The following HSPA4 variants were observed in gnomAD, a reference collection of about 807,000 sequenced individuals.
HSPA4 encodes heat shock protein family A (Hsp70) member 4, also known as heat shock 70 kDa protein 4.
In HSPA4, 25 loss-of-function variants were observed where a neutral mutation model predicts 106.2. That is an observed-to-expected ratio of 0.24 (90% confidence interval 0.17 to 0.33). The LOEUF is 0.33. HSPA4 is among the 10% of genes least tolerant of loss of function. HSPA4 has a pLI of 1.00. For missense variants in HSPA4, 841 were observed against 996.0 expected (o/e 0.84, Z 2.10); for synonymous variants, 332 against 333.6 (o/e 1.00, Z 0.05).
rs888405817 is a variant in HSPA4 at position 133,052,107 on chromosome 5, G to A, written c.-144G>A. On this transcript the variant is annotated 5_prime_UTR_variant, in exon 1 of 19. Coordinates refer to ENST00000304858, the MANE Select transcript of HSPA4 (RefSeq NM_002154.4). Reference sequence around the variant, plus strand: ...CTCTCGGTTGCAGTACCCACTGGAAGGACTTAGGCGCTCGCGTGGACACCG... The same window carrying A: ...CTCTCGGTTGCAGTACCCACTGGAAAGACTTAGGCGCTCGCGTGGACACCG... The A allele has an allele frequency of 1.7e-6, 1 of 605,764 alleles. No homozygotes were observed. The highest frequency in any genetic ancestry group is 1.9e-5 in the South Asian group (1 of 52,746). 37.5% of individuals were successfully genotyped at this position (605,764 alleles called of 1,614,324 possible).
At chr5:133,095,595 A>G (rs1346635985) in intron 13 of HSPA4, among the ~76,000 whole-genome samples, 2 of 152,220 alleles carry the variant, frequency 1.3e-5, no homozygotes, top group Non-Finnish European at 2.9e-5. Flanking sequence ...CTACTGATCC[A>G]TAGATATTTC....
chr5:133,101,669 A>G (rs1224445630), intron 16 of HSPA4, 90 bp from the exon 17 acceptor site: 4 of 1,196,662 alleles, frequency 3.3e-6, no homozygotes, highest in Non-Finnish European at 4.8e-6. Flanking sequence ...TAGCACACGG[A>G]GATTAAATGT....
intron 17 of HSPA4, among the ~76,000 whole-genome samples, chr5:133,102,913 C>CTTTTTTTTTTTTTTTTTTTTTTTTTTTT (rs533273263): frequency 3.9e-5 from 4 of 103,302 alleles, no homozygotes; most frequent in Non-Finnish European, 7.4e-5. Flanking sequence ...CTAGGGTTGT[C>CTTTTTTTTTTTTTTTTTTTTTTTTTTTT]TTTTTTTTTT....
rs904474572 is a variant in HSPA4, at chr5:133,084,573, C to A, written c.909-2209C>A. ...GCAACCTCTGCCTTCCAGGTTCAAG[C>A]GATTCTCCTGCCTCAGCCTCCCAAA... On this transcript the variant is annotated intron_variant, in intron 7 of 18. Transcript: ENST00000304858. Among the ~76,000 whole-genome samples the A allele has an allele frequency of 1.3e-4, 19 of 151,994 alleles. 1 individual carries two copies.
chr5:133,096,333 T>G lies in HSPA4; in HGVS notation c.1803+83T>G. On this transcript the variant is annotated intron_variant, in intron 14 of 18. Coordinates refer to ENST00000304858, the MANE Select transcript of HSPA4 (RefSeq NM_002154.4). ...TCAGACTCTGTGTCTAGTGACTTTT[T>G]GCATTTTTGATTGTTTGGACTTAGA... 3 of 1,327,574 alleles carry G rather than the reference T, an allele frequency of 2.3e-6. No homozygotes were observed. In the Admixed American group the frequency reaches 6.3e-5, roughly 28 times the overall value. 82.2% of individuals were successfully genotyped at this position (1,327,574 alleles called of 1,614,324 possible). A position where few individuals can be genotyped will look rare whatever the true frequency, so the allele number is the denominator to read the frequency against.
At chr5:133,097,316 G>A (rs1443229447) in intron 15 of HSPA4, 30 bp downstream of exon 15, 2 of 1,598,638 alleles carry the variant, frequency 1.3e-6, no homozygotes, top group Admixed American at 1.7e-5. Context: ...CCTAACTACT[G>A]TGTGTCTTCT....
chr5:133,067,365 T>TAA (rs11448270), intron 2 of HSPA4, 52 bp from the exon 3 acceptor site: 30,284 of 1,344,416 alleles, frequency 0.023, 222 homozygotes, highest in Middle Eastern at 0.064. Context: ...GCTGTTGAAA[T>TAA]AAAAAAAAAA....
chr5:133,062,430 GA>G, intron 1 of HSPA4, among the ~76,000 whole-genome samples: 1 of 152,166 alleles, frequency 6.6e-6, no homozygotes, highest in Non-Finnish European at 1.5e-5. Flanking sequence ...TATTTAGAAA[GA>G]TGGAGGTGTG....
At chr5:133,055,307 ATTTTTTTTT>A (rs397999293) in intron 1 of HSPA4, among the ~76,000 whole-genome samples, 46 of 60,108 alleles carry the variant, frequency 7.7e-4, no homozygotes, top group African/African-American at 2.5e-3. Context: ...AGGAAGGTTG[ATTTTTTTTT>A]TTTTTTTTTT....
chr5:133,101,893 T>G lies in HSPA4; in HGVS notation c.2157+15T>G, dbSNP rs370763515. 9.9e-5 allele frequency: 149 copies of G among 1,503,500 alleles called. 1 individual carries two copies. Among genetic ancestry groups the G allele is most frequent in the Admixed American group, 3.1e-4 (14 of 45,832 alleles). 93.1% of individuals were successfully genotyped at this position (1,503,500 alleles called of 1,614,324 possible). On this transcript the variant is annotated intron_variant, in intron 17 of 18. Coordinates refer to ENST00000304858, the MANE Select transcript of HSPA4 (RefSeq NM_002154.4). Reference sequence around the variant, plus strand: ...TCAAAAACAAGGTAACTTTTTTCTTTGTCCTACTCTTATTTTAGTAAAGTT... The same window carrying G: ...TCAAAAACAAGGTAACTTTTTTCTTGGTCCTACTCTTATTTTAGTAAAGTT...
chr5:133,099,184 C>T (rs1765753386), intron 15 of HSPA4, among the ~76,000 whole-genome samples: 1 of 152,158 alleles, frequency 6.6e-6, no homozygotes, highest in African/African-American at 2.4e-5. Flanking sequence ...GGCTGGAGTG[C>T]AGTGGCCCCA....
chr5:133,058,209 T>C (rs1221797397), intron 1 of HSPA4, among the ~76,000 whole-genome samples: 1 of 151,760 alleles, frequency 6.6e-6, no homozygotes, highest in Non-Finnish European at 1.5e-5. Context: ...CTGGGCAATA[T>C]AGCGAGACTC....
intron 13 of HSPA4, among the ~76,000 whole-genome samples, chr5:133,094,173 G>A (rs1164098574): frequency 6.6e-6 from 1 of 152,190 alleles, no homozygotes; most frequent in Non-Finnish European, 1.5e-5. Context: ...TTCAAAAAGA[G>A]TAGTAACATT....
At position 133,088,412 on chromosome 5, in the gene HSPA4, A is replaced by G. The variant is rs1416101007; in HGVS notation, c.994A>G (p.Lys332Glu). The G allele has an allele frequency of 6.2e-7, 1 of 1,604,270 alleles. No individual in the cohort carries two copies. The highest frequency in any genetic ancestry group is 2.2e-5 in the East Asian group (1 of 44,830). The part of the protein sequence containing the change: ...RSVLEQTKLK[K>E]EDIYAVEIVG... Reference sequence around the variant, plus strand: ...TAATTCTTTAAAAATAGAGTTAAAGAAAGAAGATATTTATGCAGTGGAGAT... The same window carrying G: ...TAATTCTTTAAAAATAGAGTTAAAGGAAGAAGATATTTATGCAGTGGAGAT... Residue 332 changes from lysine to glutamate, a missense_variant, in exon 9 of 19, where the codon AAA (lysine) becomes GAA (glutamate). Around this residue, in one of 5 missense-constraint regions of HSPA4, gnomAD observed 347 missense variants for 408.7 expected, o/e 0.85. Transcript: ENST00000304858.
At chr5:133,053,316 AG>A (rs1252845801) in intron 1 of HSPA4, among the ~76,000 whole-genome samples, 1 of 143,738 alleles carries the variant, frequency 7.0e-6, no homozygotes, top group Non-Finnish European at 1.5e-5. Flanking sequence ...TTTGCCATTC[AG>A]GGTCTCTCTT....
chr5:133,080,696 C>A (rs1269089921), intron 7 of HSPA4, among the ~76,000 whole-genome samples: 1 of 151,186 alleles, frequency 6.6e-6, no homozygotes, highest in East Asian at 1.9e-4. Flanking sequence ...TTTTAGTTTG[C>A]CTTTTTTTTG....
chr5:133,099,279 A>G (rs1765755844), intron 15 of HSPA4, among the ~76,000 whole-genome samples: 1 of 151,394 alleles, frequency 6.6e-6, no homozygotes, highest in Non-Finnish European at 1.5e-5. Flanking sequence ...ACAGGTGTCT[A>G]CCATCACGCC....
At chr5:133,065,142 G>A (rs1765292242) in intron 2 of HSPA4, 105 bp downstream of exon 2, 3 of 885,344 alleles carry the variant, frequency 3.4e-6, no homozygotes, top group Non-Finnish European at 5.5e-6. Context: ...TAGGCCTTGG[G>A]AATACAACTG....
intron 1 of HSPA4, among the ~76,000 whole-genome samples, chr5:133,059,699 G>A (rs1030810718): frequency 2.0e-5 from 3 of 152,138 alleles, no homozygotes; most frequent in Non-Finnish European, 2.9e-5. Context: ...ACTCTAATAC[G>A]TTTCTGGGCA....
Sources: allele counts gnomAD v4.1 joint callset (sites outside exome capture counted in the v4.1 genomes callset), GRCh38; gene constraint gnomAD v4.1.1; regional missense constraint gnomAD v4.1.1; transcripts MANE v1.5; gene names NCBI Gene and HGNC (gene_info 2026-07-23, HGNC 2026-07-21).